The following TJP1 variants were observed in gnomAD, a reference collection of about 807,000 sequenced individuals.
The protein encoded by TJP1 is tight junction protein ZO-1.
TJP1 carries 43 observed loss-of-function variants against 194.2 expected under a neutral mutation model. That is an observed-to-expected ratio of 0.22 (90% CI 0.17 to 0.29). The LOEUF is 0.29. Among genes scored for constraint, TJP1 ranks in the 10% least tolerant of loss-of-function variants. The probability of loss-of-function intolerance (pLI) is 1.00; values close to 1 mark genes in which losing one functional copy is unlikely to be tolerated. For missense variants in TJP1, 1,971 were observed against 2,185.7 expected (o/e 0.90, Z 1.96); for synonymous variants, 801 against 779.0 (o/e 1.03, Z -0.47).
chr15:29,825,010 G>A (rs1221334006), upstream of TJP1, among the ~76,000 whole-genome samples: 1 of 152,006 alleles, frequency 6.6e-6, no homozygotes, highest in Non-Finnish European at 1.5e-5. Flanking sequence ...TTTTTCAGTG[G>A]TATTTTTAAT....
rs752146550 is a variant in TJP1, at chr15:29,737,387, T to A, written c.1284A>T (p.Arg428Ser). Reference sequence around the variant, plus strand: ...GCCGCAAACCCACACTATCTCCTTTTCTGAATTTTACCAATTTCATGCTGG... The same window carrying A: ...GCCGCAAACCCACACTATCTCCTTTACTGAATTTTACCAATTTCATGCTGG... The part of the protein sequence containing the change: ...LRPSMKLVKF[R>S]KGDSVGLRLA... Residue 428 changes from arginine (R) to serine (S), a missense_variant, in exon 11 of 28, where the codon AGA (arginine) becomes AGT (serine). This residue lies in a region of TJP1 where 24 missense variants were observed against 54.2 expected (regional missense o/e 0.44). Coordinates refer to ENST00000614355, the MANE Select transcript of TJP1 (RefSeq NM_001330239.4). The A allele has an allele frequency of 1.9e-6, 3 of 1,614,088 alleles. No individual in the cohort carries two copies. Among genetic ancestry groups the A allele is most frequent in the Non-Finnish European group, 2.5e-6 (3 of 1,180,036 alleles).
At chr15:29,955,753 TAA>T (rs563535771) in intron 2 of TJP1, among the ~76,000 whole-genome samples, 1,152 of 35,682 alleles carry the variant, frequency 0.032, 16 homozygotes, top group African/African-American at 0.13. Context: ...CCTGGCTCTT[TAA>T]AAAAAAAAAA....
In TJP1 at chr15:29,732,515, C is replaced by A; in HGVS notation, c.1935G>T (p.Arg645Ser). The change falls in exon 15 of 28, where the codon AGG becomes AGT. Residue 645 changes from arginine to serine, a missense_variant. Around this residue, in one of 5 missense-constraint regions of TJP1, gnomAD observed 402 missense variants for 484.2 expected, o/e 0.83. Coordinates refer to ENST00000614355, the MANE Select transcript of TJP1 (RefSeq NM_001330239.4). ...CTATTGGTCCAAAAATGGTTACAGG[C>A]CTCAGAAATCCAGCTGGAGAGAAAT... is the stretch of plus-strand genomic sequence containing the variant. The part of the protein sequence containing the change: ...RVVLREAGFL[R>S]PVTIFGPIAD... The A allele has an allele frequency of 6.2e-7, 1 of 1,614,098 alleles. No individual in the cohort carries two copies. The highest frequency in any genetic ancestry group is 8.5e-7 in the Non-Finnish European group (1 of 1,180,018).
chr15:29,796,324 G>C (rs2048398823), intron 2 of TJP1, among the ~76,000 whole-genome samples: 1 of 147,192 alleles, frequency 6.8e-6, no homozygotes, highest in South Asian at 2.1e-4. Flanking sequence ...GTAATTTTAA[G>C]ACTGCAAGGT....
At chr15:29,950,991 G>A (rs777806387) in intron 2 of TJP1, among the ~76,000 whole-genome samples, 8 of 152,114 alleles carry the variant, frequency 5.3e-5, no homozygotes, top group South Asian at 2.1e-4. Flanking sequence ...AGAACAGTGC[G>A]TGGCATTTAG....
intron 13 of TJP1, 91 bp from the exon 14 acceptor site, chr15:29,732,906 G>C: frequency 1.5e-6 from 2 of 1,329,340 alleles, no homozygotes; most frequent in East Asian, 4.9e-5. Context: ...AATACTGGAT[G>C]GAAGTTCACA....
chr15:29,822,551 A>T, upstream of TJP1: 30 of 500,884 alleles, frequency 6.0e-5, no homozygotes, highest in Non-Finnish European at 7.6e-5. Flanking sequence ...CGAGGCGGGG[A>T]GGGGGCGGGG....
At position 29,700,429 on chromosome 15, in the gene TJP1, A is replaced by T. The variant is rs2041469886; in HGVS notation, c.*1166T>A. ...TTTTAAATGCAGCACTTAAAAATGT[A>T]ACAACTCTGTGCATCCTTTTTCTTA... is the stretch of plus-strand genomic sequence containing the variant. On this transcript the variant is annotated 3_prime_UTR_variant, in exon 28 of 28. Coordinates refer to ENST00000614355, the MANE Select transcript of TJP1 (RefSeq NM_001330239.4). The T allele has an allele frequency of 2.5e-6, 1 of 398,844 alleles. No homozygotes were observed. Among genetic ancestry groups the T allele is most frequent in the African/African-American group, 2.1e-5 (1 of 48,614 alleles). 24.7% of individuals were successfully genotyped at this position (398,844 alleles called of 1,614,324 possible).
intron 2 of TJP1, among the ~76,000 whole-genome samples, chr15:29,932,409 TGA>T (rs1255012501): frequency 6.6e-6 from 1 of 152,182 alleles, no homozygotes; most frequent in Non-Finnish European, 1.5e-5. Flanking sequence ...TATATGGTGC[TGA>T]GACAACTGGT....
chr15:29,817,858 G>C (rs1259473527), intron 1 of TJP1, among the ~76,000 whole-genome samples: 2 of 152,106 alleles, frequency 1.3e-5, no homozygotes. Flanking sequence ...TGGTGGTGGG[G>C]GGAAAGGGAG....
intron 1 of TJP1, among the ~76,000 whole-genome samples, chr15:29,803,130 A>T (rs2048895461): frequency 6.6e-6 from 1 of 152,180 alleles, no homozygotes; most frequent in Admixed American, 6.5e-5. Flanking sequence ...AAGTAAAGGG[A>T]CTGTGGGTGA....
intron 8 of TJP1, among the ~76,000 whole-genome samples, chr15:29,745,521 G>T (rs762382315): frequency 6.6e-6 from 1 of 152,068 alleles, no homozygotes; most frequent in East Asian, 1.9e-4. Flanking sequence ...AGCCATAAAG[G>T]CAAGATAAAA....
rs544509565 is a variant in TJP1 at position 29,912,926 on chromosome 15, G to A, written c.306+43306C>T. ...TCATACGGTTTAACTTAGTAGATGCGCCAGCTCAGGCAGACAGTTCTGCAG... is the reference window on the plus strand; with the variant it reads ...TCATACGGTTTAACTTAGTAGATGCACCAGCTCAGGCAGACAGTTCTGCAG... On this transcript the variant is annotated intron_variant, in intron 2 of 28. Coordinates refer to the TJP1 transcript ENST00000356107. Among the ~76,000 whole-genome samples, 7 of 152,244 alleles carry A rather than the reference G, an allele frequency of 4.6e-5. No homozygotes were observed. The East Asian group carries it at 5.8e-4, about 13-fold the overall frequency.
chr15:29,816,178 C>T (rs996305635), intron 1 of TJP1, among the ~76,000 whole-genome samples: 8 of 152,030 alleles, frequency 5.3e-5, no homozygotes, highest in Admixed American at 3.3e-4. Flanking sequence ...TAGGCATGTG[C>T]TACCACACCC....
At chr15:29,915,054 TA>T (rs988210354) in intron 2 of TJP1, among the ~76,000 whole-genome samples, 1 of 152,050 alleles carries the variant, frequency 6.6e-6, no homozygotes, top group East Asian at 1.9e-4. Context: ...GGTAGACTGC[TA>T]AAAAAAATGC....
intron 26 of TJP1, among the ~76,000 whole-genome samples, chr15:29,704,812 C>T (rs1450186889): frequency 6.6e-6 from 1 of 152,178 alleles, no homozygotes; most frequent in African/African-American, 2.4e-5. Flanking sequence ...TAAAGAGATT[C>T]ATGCAGGGCC....
intron 2 of TJP1, among the ~76,000 whole-genome samples, chr15:29,916,748 C>T (rs2054199632): frequency 6.6e-6 from 1 of 152,068 alleles, no homozygotes. Flanking sequence ...AGCAAATGTA[C>T]CTAAATGTTA....
intron 18 of TJP1, among the ~76,000 whole-genome samples, chr15:29,723,170 A>G (rs2043035169): frequency 6.6e-6 from 1 of 152,172 alleles, no homozygotes; most frequent in South Asian, 2.1e-4. Flanking sequence ...CAATGTGAGA[A>G]GGACATGAAA....
At chr15:29,856,218 G>A (rs369629959) in intron 2 of TJP1, among the ~76,000 whole-genome samples, 4 of 152,062 alleles carry the variant, frequency 2.6e-5, no homozygotes, top group South Asian at 2.1e-4. Context: ...CTTGAGCACC[G>A]GGCAACATAG....
Sources: gnomAD v4.1 joint callset for allele counts (sites outside exome capture counted in the v4.1 genomes callset) on GRCh38, gnomAD v4.1.1 for gene constraint, gnomAD v4.1.1 regional missense constraint, MANE v1.5 for transcripts, NCBI Gene and HGNC (gene_info 2026-07-23, HGNC 2026-07-21) for gene names.